The following BCAS3 variants were observed in gnomAD, a reference collection of about 807,000 sequenced individuals.
BCAS3 encodes the protein BCAS4/BCAS3 fusion.
A neutral mutation model predicts 116.1 loss-of-function variants in BCAS3; 53 were observed. That is an observed-to-expected ratio of 0.46 (90% CI 0.37 to 0.57). The LOEUF (loss-of-function observed/expected upper bound fraction) is 0.57, where lower values mean the gene tolerates loss of function less well. BCAS3 is among the 20% of genes least tolerant of loss of function. The probability of loss-of-function intolerance (pLI) is 0.00; values close to 1 mark genes in which losing one functional copy is unlikely to be tolerated. For synonymous variants in BCAS3, 391 were observed against 408.2 expected (o/e 0.96, Z 0.51); for missense variants, 917 against 1,165.4 (o/e 0.79, Z 3.10).
Position 60,993,281 on chromosome 17 carries a change from A to T in BCAS3, c.1486+3046A>T, listed in dbSNP as rs2063645030. 6.6e-6 allele frequency among the ~76,000 whole-genome samples: 1 copy of T among 152,234 alleles called. No individual in the cohort carries two copies. Among genetic ancestry groups the T allele is most frequent in the African/African-American group, 2.4e-5 (1 of 41,456 alleles). On this transcript the variant is annotated intron_variant, in intron 15 of 23. Transcript: ENST00000407086. This position sits in a 1 kb window ranked among gnomAD's most constrained non-coding sequence, Gnocchi z 4.2. ...GAAGGATTTCATCATTTGTGAAAGG[A>T]CAGTAGTTAAAGAGCAATACTACTA...
In BCAS3 at chr17:61,211,910, C is replaced by A. The variant is rs1450847574; in HGVS notation, c.2425+127346C>A. 6.6e-6 allele frequency among the ~76,000 whole-genome samples: 1 copy of A among 152,236 alleles called. No individual in the cohort carries two copies. Among genetic ancestry groups the A allele is most frequent in the Admixed American group, 6.5e-5 (1 of 15,280 alleles). ...TCAAAGATCTGACTATAATCCATTT[C>A]ATTCACTGTTGCAGTTTGCTGTGTG... is the stretch of plus-strand genomic sequence containing the variant. On this transcript the variant is annotated intron_variant, in intron 22 of 23. Transcript: ENST00000407086. The surrounding 1 kb of genome is among the most constrained non-coding windows in gnomAD (Gnocchi z 4.4).
chr17:61,359,085 T>C (rs1485744068), intron 22 of BCAS3, among the ~76,000 whole-genome samples: 3 of 152,128 alleles, frequency 2.0e-5, no homozygotes, highest in Non-Finnish European at 1.5e-5. Flanking sequence ...GCCCTTGCTA[T>C]GTAATTGACG....
rs1363472150 is a variant in BCAS3, at chr17:61,239,985, T to A, written c.2426-128342T>A. Among the ~76,000 whole-genome samples, 2 of 152,216 alleles carry A rather than the reference T, an allele frequency of 1.3e-5. No homozygotes were observed. Among genetic ancestry groups the A allele is most frequent in the Admixed American group, 6.5e-5 (1 of 15,280 alleles). On this transcript the variant is annotated intron_variant, in intron 22 of 23. Coordinates refer to ENST00000407086, the MANE Select transcript of BCAS3 (RefSeq NM_017679.5). This position sits in a 1 kb window ranked among gnomAD's most constrained non-coding sequence, Gnocchi z 4.2. ...TCTGCACTTGAATGTTAAATATATG[T>A]GTGATAAAAATATTTTGATTGGGGT...
At chr17:60,725,734 G>A (rs1336827832) in intron 5 of BCAS3, among the ~76,000 whole-genome samples, 1 of 152,182 alleles carries the variant, frequency 6.6e-6, no homozygotes, top group Non-Finnish European at 1.5e-5. Flanking sequence ...CATCAGTAGT[G>A]CTGAGGTTGA....
intron 5 of BCAS3, chr17:60,727,559 G>A (rs1183812408): frequency 2.1e-5 from 23 of 1,092,786 alleles, no homozygotes; most frequent in East Asian, 1.1e-4. Context: ...CAAAGCTCTC[G>A]CCTGACAGGA....
intron 22 of BCAS3, among the ~76,000 whole-genome samples, chr17:61,262,657 A>C (rs889469006): frequency 8.6e-5 from 13 of 151,476 alleles, no homozygotes; most frequent in African/African-American, 2.9e-4. Flanking sequence ...TTGGGATTAC[A>C]GGCGTGAGCC....
At chr17:61,009,374 T>C (rs148144251) in intron 15 of BCAS3, among the ~76,000 whole-genome samples, 1 of 152,104 alleles carries the variant, frequency 6.6e-6, no homozygotes, top group Non-Finnish European at 1.5e-5. Context: ...TATTCCATTG[T>C]AGGTCTTAGT....
At chr17:60,920,062 A>C (rs751134433) in intron 12 of BCAS3, among the ~76,000 whole-genome samples, 26 of 152,214 alleles carry the variant, frequency 1.7e-4, no homozygotes, top group Non-Finnish European at 3.7e-4. Context: ...TCAGATTCAA[A>C]GACCACTTGT....
At position 60,703,615 on chromosome 17, in the gene BCAS3, T is replaced by C. The variant is rs147920434; in HGVS notation, c.215-5604T>C. 3.3e-3 allele frequency among the ~76,000 whole-genome samples: 493 copies of C among 148,456 alleles called. 8 individuals are homozygous for C. In the South Asian group the frequency reaches 0.036, roughly 11 times the overall value. On this transcript the variant is annotated intron_variant, in intron 4 of 23. Transcript: ENST00000407086. ...CAGCTTTTACATGGGTGCAGGATGC[T>C]GTAAGAAAGACTTACCTAGCCGGGC... is the stretch of plus-strand genomic sequence containing the variant.
In BCAS3 at chr17:61,362,391, G is replaced by A. The variant is rs1403968953; in HGVS notation, c.2426-5936G>A. ...TGGTGGTTAGAAATCTGATCAGCAG[G>A]CTCTCAGCAAAATCCAAACCTGGGC... is the stretch of plus-strand genomic sequence containing the variant. On this transcript the variant is annotated intron_variant, in intron 22 of 23. Transcript: ENST00000407086. This position sits in a 1 kb window ranked among gnomAD's most constrained non-coding sequence, Gnocchi z 4.4. Among the ~76,000 whole-genome samples the A allele has an allele frequency of 6.6e-6, 1 of 152,206 alleles. No individual in the cohort carries two copies. The highest frequency in any genetic ancestry group is 1.5e-5 in the Non-Finnish European group (1 of 68,042).
chr17:60,934,150 A>G (rs886140246), intron 13 of BCAS3, among the ~76,000 whole-genome samples: 2 of 152,182 alleles, frequency 1.3e-5, no homozygotes, highest in Non-Finnish European at 1.5e-5. Context: ...AGAATGGAGT[A>G]AAAAAATATA....
chr17:60,844,686 C>T (rs2052335972), intron 7 of BCAS3, among the ~76,000 whole-genome samples: 1 of 152,080 alleles, frequency 6.6e-6, no homozygotes, highest in African/African-American at 2.4e-5. Flanking sequence ...TCATGGGATG[C>T]TGAGTAGGAC....
rs565560095 is a variant in BCAS3 at position 60,917,395 on chromosome 17, G to T, written c.993+6693G>T. Among the ~76,000 whole-genome samples the T allele has an allele frequency of 4.6e-5, 7 of 152,240 alleles. No individual in the cohort carries two copies. In the South Asian group the frequency reaches 1.5e-3, roughly 32 times the overall value. On this transcript the variant is annotated intron_variant, in intron 12 of 23. Transcript: ENST00000407086. ...TGCCTGTTTCTAGGTATATCACATA[G>T]TGCAATCCTACAGTATTCATCCTTT...
At chr17:60,681,333 C>T (rs1260155634) in intron 2 of BCAS3, among the ~76,000 whole-genome samples, 1 of 151,714 alleles carries the variant, frequency 6.6e-6, no homozygotes, top group African/African-American at 2.4e-5. Context: ...AAACCCGTCT[C>T]TACTAAAAAT....
intron 22 of BCAS3, among the ~76,000 whole-genome samples, chr17:61,158,593 G>A (rs1183182530): frequency 1.3e-5 from 2 of 152,072 alleles, no homozygotes; most frequent in Admixed American, 1.3e-4. Context: ...TCTTCATCCA[G>A]GCTTTTAAAT....
At chr17:60,752,197 A>G (rs1027429936) in intron 6 of BCAS3, among the ~76,000 whole-genome samples, 1 of 150,808 alleles carries the variant, frequency 6.6e-6, no homozygotes, top group Non-Finnish European at 1.5e-5. Context: ...TAAGTGTAAT[A>G]TTTTTCATAA....
In BCAS3 at chr17:61,300,693, A is replaced by T. The variant is rs983014518; in HGVS notation, c.2426-67634A>T. 1.3e-5 allele frequency among the ~76,000 whole-genome samples: 2 copies of T among 152,258 alleles called. No individual in the cohort carries two copies. Among genetic ancestry groups the T allele is most frequent in the Non-Finnish European group, 1.5e-5 (1 of 68,048 alleles). Reference sequence around the variant, plus strand: ...CTCTCTGCATTAGCTGAAAATAGGGAAAAGAATACCTTTTTTTCCCTCATC... The same window carrying T: ...CTCTCTGCATTAGCTGAAAATAGGGTAAAGAATACCTTTTTTTCCCTCATC... On this transcript the variant is annotated intron_variant, in intron 22 of 23. Coordinates refer to ENST00000407086, the MANE Select transcript of BCAS3 (RefSeq NM_017679.5). This position sits in a 1 kb window ranked among gnomAD's most constrained non-coding sequence, Gnocchi z 5.1.
At chr17:60,908,696 G>A (rs1051634599) in intron 11 of BCAS3, among the ~76,000 whole-genome samples, 1 of 152,094 alleles carries the variant, frequency 6.6e-6, no homozygotes, top group Admixed American at 6.6e-5. Flanking sequence ...TTATAATCGC[G>A]GGAGTTTGAG....
At chr17:60,938,170 A>C (rs969717039) in intron 13 of BCAS3, among the ~76,000 whole-genome samples, 2 of 152,220 alleles carry the variant, frequency 1.3e-5, no homozygotes, top group African/African-American at 4.8e-5. Context: ...CTGGAGTTAC[A>C]GGCGTGAGCC....
Sources: gnomAD v4.1 joint callset for allele counts (sites outside exome capture counted in the v4.1 genomes callset) on GRCh38, gnomAD v4.1.1 for gene constraint, Gnocchi (gnomAD v3.1) non-coding constraint, MANE v1.5 for transcripts, NCBI Gene and HGNC (gene_info 2026-07-23, HGNC 2026-07-21) for gene names.